Variants in MS4A18 observed in about 807,000 individuals in gnomAD.
MS4A18 encodes membrane spanning 4-domains A18.
In MS4A18, 27 loss-of-function variants were observed where a neutral mutation model predicts 13.1. That is an observed-to-expected ratio of 2.06 (90% CI 1.52 to 2.84). MS4A18 has a LOEUF of 2.84. MS4A18 is among the 30% of genes most tolerant of loss of function. The probability of loss-of-function intolerance (pLI) is 0.00; values close to 1 mark genes in which losing one functional copy is unlikely to be tolerated. For synonymous variants in MS4A18, 126 were observed against 76.5 expected (o/e 1.65, Z -3.38); for missense variants, 307 against 196.4 (o/e 1.56, Z -3.37).
At chr11:60,728,113 C>T (rs369472414), upstream of MS4A18, among the ~76,000 whole-genome samples, 18 of 152,156 alleles carry the variant, frequency 1.2e-4, no homozygotes, top group African/African-American at 3.9e-4. Flanking sequence ...ATGGACAAGA[C>T]CCATGAAGAG....
exon 6 of MS4A18, chr11:60,743,761 A>G (rs1335052823): frequency 1.4e-6 from 1 of 702,520 alleles, no homozygotes; most frequent in Non-Finnish European, 2.6e-6. Context: ...TGTCAGTGCC[A>G]CCAATGGTCC....
At chr11:60,734,378 A>G (rs1383308706) in intron 2 of MS4A18, among the ~76,000 whole-genome samples, 1 of 152,238 alleles carries the variant, frequency 6.6e-6, no homozygotes, top group Non-Finnish European at 1.5e-5. Context: ...GAATTATGTA[A>G]AATGATTGTC....
intron 2 of MS4A18, among the ~76,000 whole-genome samples, chr11:60,735,661 CTT>C (rs1167113182): frequency 2.6e-4 from 23 of 90,106 alleles, no homozygotes; most frequent in African/African-American, 1.0e-3. Context: ...CATTCCCTTG[CTT>C]TTTTTTTTTT....
At chr11:60,743,623 G>A (rs1853439722) in intron 5 of MS4A18, 27 bp from the exon 7 acceptor site, 3 of 697,124 alleles carry the variant, frequency 4.3e-6, no homozygotes, top group Non-Finnish European at 7.9e-6. Context: ...AGAGGAAGAT[G>A]ACGACCACAT....
upstream of MS4A18, among the ~76,000 whole-genome samples, chr11:60,727,620 T>C (rs1212999079): frequency 6.6e-6 from 1 of 152,164 alleles, no homozygotes; most frequent in African/African-American, 2.4e-5. Context: ...ACAGAAAGCC[T>C]CCTGAGAACA....
At chr11:60,737,712 C>T (rs1853361664) in intron 3 of MS4A18, among the ~76,000 whole-genome samples, 1 of 152,130 alleles carries the variant, frequency 6.6e-6, no homozygotes, top group South Asian at 2.1e-4. Flanking sequence ...TCTCTCATCT[C>T]CTTCCTTCTC....
rs1853307247 is a variant in MS4A18 at position 60,734,556 on chromosome 11, A to G, written c.591+909A>G. Reference sequence around the variant, plus strand: ...ATATTTCATCTTGCAGAGCTTAAATAATATTAATAAATTGAACACCCACAT... The same window carrying G: ...ATATTTCATCTTGCAGAGCTTAAATGATATTAATAAATTGAACACCCACAT... On this transcript the variant is annotated intron_variant, in intron 2 of 5. Transcript: ENST00000529108. 3.3e-5 allele frequency among the ~76,000 whole-genome samples: 5 copies of G among 152,308 alleles called. No individual in the cohort carries two copies. The South Asian group carries it at 1.0e-3, about 32-fold the overall frequency.
rs1426504257 is a variant in MS4A18 at position 60,729,567 on chromosome 11, T to A, written c.252T>A (p.Tyr84Ter). ...AACCCATTGGGTATCAGCGACAGTATCCAGTGGGAACAGCCAGTTTGCAGA... is the reference window on the plus strand; with the variant it reads ...AACCCATTGGGTATCAGCGACAGTAACCAGTGGGAACAGCCAGTTTGCAGA... The change falls in exon 1 of 6, where the codon TAT (tyrosine) becomes TAA (stop). Residue 84 changes from tyrosine to a stop codon, truncating the protein, a stop_gained. Coordinates refer to ENST00000529108, the Ensembl canonical transcript of MS4A18. LOFTEE classifies it high-confidence loss of function. The A allele has an allele frequency of 1.4e-6, 1 of 702,558 alleles. No individual in the cohort carries two copies. The highest frequency in any genetic ancestry group is 1.7e-5 in the African/African-American group (1 of 57,204). The allele number at this position is 702,558 out of a possible 1,614,324, so 43.5% of individuals were successfully genotyped here.
At chr11:60,729,478 G>A (rs1853217259) in exon 1 of MS4A18, 1 of 702,810 alleles carries the variant, frequency 1.4e-6, no homozygotes, top group Non-Finnish European at 2.6e-6. Flanking sequence ...CTGTGATACA[G>A]GAAGAGCAAA....
upstream of MS4A18, chr11:60,729,175 T>C: frequency 3.3e-6 from 2 of 600,558 alleles, no homozygotes; most frequent in Non-Finnish European, 5.9e-6. Flanking sequence ...AGGCAAGAAG[T>C]TTATTTTGTC....
At chr11:60,731,942 G>A (rs746964241) in intron 1 of MS4A18, among the ~76,000 whole-genome samples, 15 of 152,100 alleles carry the variant, frequency 9.9e-5, no homozygotes, top group Non-Finnish European at 2.2e-4. Context: ...ATGGGAACAG[G>A]GTTCATTAAT....
At chr11:60,735,494 C>T (rs1288021877) in intron 2 of MS4A18, among the ~76,000 whole-genome samples, 6 of 142,702 alleles carry the variant, frequency 4.2e-5, no homozygotes, top group Admixed American at 7.3e-5. Flanking sequence ...CCACCGTGCC[C>T]GGCTAATTTT....
At chr11:60,732,844 C>G (rs1283160075) in intron 1 of MS4A18, among the ~76,000 whole-genome samples, 1 of 152,156 alleles carries the variant, frequency 6.6e-6, no homozygotes, top group Non-Finnish European at 1.5e-5. Context: ...ACTGTTACCC[C>G]CATCTTGCAA....
intron 5 of MS4A18, among the ~76,000 whole-genome samples, chr11:60,742,717 A>G (rs1316015102): frequency 6.6e-6 from 1 of 152,176 alleles, no homozygotes; most frequent in Non-Finnish European, 1.5e-5. Context: ...ATTAGAGACA[A>G]TCTTGTTTTC....
intron 1 of MS4A18, among the ~76,000 whole-genome samples, chr11:60,732,980 T>C (rs1853279036): frequency 6.6e-6 from 1 of 152,250 alleles, no homozygotes; most frequent in Admixed American, 6.5e-5. Context: ...ATGGTCTGAA[T>C]CATCAGAATC....
At chr11:60,735,357 G>A (rs1393045610) in intron 2 of MS4A18, among the ~76,000 whole-genome samples, 2 of 146,626 alleles carry the variant, frequency 1.4e-5, no homozygotes, top group Non-Finnish European at 3.0e-5. Context: ...TTTTTGAGAC[G>A]GAGTCTCGCT....
At chr11:60,727,781 G>A (rs929503514), upstream of MS4A18, among the ~76,000 whole-genome samples, 1 of 152,150 alleles carries the variant, frequency 6.6e-6, no homozygotes, top group Admixed American at 6.5e-5. Flanking sequence ...ATCTGAATGG[G>A]ATATCTTCGC....
intron 4 of MS4A18, among the ~76,000 whole-genome samples, chr11:60,739,443 G>A (rs1456158810): frequency 6.6e-6 from 1 of 152,114 alleles, no homozygotes; most frequent in Non-Finnish European, 1.5e-5. Flanking sequence ...GGTGCAAGTC[G>A]TGTATTTCAG....
chr11:60,735,198 T>C (rs1853315962), intron 2 of MS4A18, among the ~76,000 whole-genome samples: 1 of 152,222 alleles, frequency 6.6e-6, no homozygotes, highest in Non-Finnish European at 1.5e-5. Context: ...AATTAAAGTT[T>C]TAAAAAATGA....
Sources: allele counts gnomAD v4.1 joint callset (sites outside exome capture counted in the v4.1 genomes callset), GRCh38; gene constraint gnomAD v4.1.1; transcripts MANE v1.5; gene names NCBI Gene and HGNC (gene_info 2026-07-23, HGNC 2026-07-21).